Variants in SORCS3 observed in about 807,000 individuals in gnomAD.
The protein encoded by SORCS3 is VPS10 domain-containing receptor SorCS3.
A neutral mutation model predicts 146.3 loss-of-function variants in SORCS3; 57 were observed. That is an observed-to-expected ratio of 0.39 (90% CI 0.31 to 0.49). The LOEUF is 0.49. Ranked by LOEUF, SORCS3 falls within the 20% of genes least tolerant of loss-of-function variation. The pLI is 0.92. For synonymous variants in SORCS3, 653 were observed against 618.5 expected (o/e 1.06, Z -0.83); for missense variants, 1,341 against 1,575.5 (o/e 0.85, Z 2.52).
chr10:104,846,025 G>C (rs2018200180), intron 2 of SORCS3, among the ~76,000 whole-genome samples: 1 of 152,104 alleles, frequency 6.6e-6, no homozygotes, highest in Non-Finnish European at 1.5e-5. Flanking sequence ...GATTCCATAT[G>C]GTGTGACCTT....
chr10:104,807,192 T>C (rs1439272391), intron 1 of SORCS3, among the ~76,000 whole-genome samples: 2 of 151,642 alleles, frequency 1.3e-5, no homozygotes, highest in African/African-American at 4.9e-5. Context: ...TCTGTGTGTG[T>C]GTGCGCATGT....
intron 13 of SORCS3, among the ~76,000 whole-genome samples, chr10:105,168,739 A>G (rs144991583): frequency 2.0e-5 from 3 of 152,302 alleles, no homozygotes; most frequent in Admixed American, 6.5e-5. Flanking sequence ...GTGAAACCGT[A>G]TGAAATCGCC....
chr10:104,646,747 A>T (rs947958430), intron 1 of SORCS3, among the ~76,000 whole-genome samples: 1 of 152,014 alleles, frequency 6.6e-6, no homozygotes, highest in Non-Finnish European at 1.5e-5. Context: ...TTTGAAGGAG[A>T]AAAGAGGCCT....
chr10:104,761,253 G>T (rs569782979), intron 1 of SORCS3, among the ~76,000 whole-genome samples: 2 of 152,128 alleles, frequency 1.3e-5, no homozygotes, highest in African/African-American at 2.4e-5. Context: ...TACTACAGTG[G>T]CATTTTAATG....
At position 104,930,643 on chromosome 10, in the gene SORCS3, G is replaced by A. The variant is rs1418620026; in HGVS notation, c.795+14711G>A. Reference sequence around the variant, plus strand: ...TGCCTTAGTGTTCAATAATTCATAAGAGTAAGCATCAGTGCCAAGCACTGG... The same window carrying A: ...TGCCTTAGTGTTCAATAATTCATAAAAGTAAGCATCAGTGCCAAGCACTGG... On this transcript the variant is annotated intron_variant, in intron 3 of 26. Transcript: ENST00000369701. Among the ~76,000 whole-genome samples the A allele has an allele frequency of 2.0e-5, 3 of 152,210 alleles. No individual in the cohort carries two copies. In the South Asian group the frequency reaches 6.2e-4, roughly 32 times the overall value.
At chr10:104,689,927 G>A (rs1031725619) in intron 1 of SORCS3, among the ~76,000 whole-genome samples, 6 of 152,134 alleles carry the variant, frequency 3.9e-5, no homozygotes, top group South Asian at 2.1e-4. Flanking sequence ...TCCAGAGCAG[G>A]TACTTCCATT....
chr10:104,881,256 T>G lies in SORCS3; in HGVS notation c.696-34577T>G, dbSNP rs117469291. ...ACAAATATGGGTGAGTGCATATAGA[T>G]TGTAGTTTAATCTCCTGAAATATTT... On this transcript the variant is annotated intron_variant, in intron 2 of 26. Coordinates refer to ENST00000369701, the MANE Select transcript of SORCS3 (RefSeq NM_014978.3). Among the ~76,000 whole-genome samples the G allele has an allele frequency of 2.7e-4, 41 of 152,284 alleles. No individual in the cohort carries two copies. In the East Asian group the frequency reaches 7.9e-3, roughly 29 times the overall value.
chr10:105,089,004 T>C (rs868052421), intron 5 of SORCS3, among the ~76,000 whole-genome samples: 6 of 152,188 alleles, frequency 3.9e-5, no homozygotes, highest in African/African-American at 9.7e-5. Flanking sequence ...GTGTCAGCTC[T>C]TTTCAGTGGA....
At chr10:105,168,367 G>T (rs1470449895) in intron 13 of SORCS3, among the ~76,000 whole-genome samples, 1 of 152,134 alleles carries the variant, frequency 6.6e-6, no homozygotes, top group Admixed American at 6.6e-5. Context: ...ACGACAACTT[G>T]TTGCTGTTGT....
chr10:105,152,578 C>T (rs1386841949), intron 9 of SORCS3, among the ~76,000 whole-genome samples: 1 of 152,198 alleles, frequency 6.6e-6, no homozygotes, highest in Non-Finnish European at 1.5e-5. Context: ...AGAAGATTCA[C>T]ATACCCAAGT....
intron 7 of SORCS3, among the ~76,000 whole-genome samples, chr10:105,136,991 A>G (rs767183828): frequency 4.6e-5 from 7 of 152,106 alleles, no homozygotes; most frequent in Non-Finnish European, 8.8e-5. Flanking sequence ...ACATGGGAGG[A>G]TGAGTTCTCA....
At chr10:105,144,409 C>T (rs932215643) in intron 8 of SORCS3, among the ~76,000 whole-genome samples, 2 of 152,068 alleles carry the variant, frequency 1.3e-5, no homozygotes, top group African/African-American at 4.8e-5. Context: ...ATGGCAGATG[C>T]TTAATAACAT....
chr10:104,943,102 T>G (rs917184174), intron 3 of SORCS3, among the ~76,000 whole-genome samples: 16 of 152,188 alleles, frequency 1.1e-4, no homozygotes, highest in Non-Finnish European at 2.1e-4. Flanking sequence ...AAAGTATTAT[T>G]TTTAGACAAT....
At position 104,741,700 on chromosome 10, in the gene SORCS3, G is replaced by GTTTTTTTTTTT. The variant is rs71022746; in HGVS notation, c.627+99768_627+99778dup. On this transcript the variant is annotated intron_variant, in intron 1 of 26. Transcript: ENST00000369701. The stretch of plus-strand genomic sequence containing the variant: ...CTTTCCTCTTTCCTTTCCATTCTGG[G>GTTTTTTTTTTT]TTTTTTTTTTTTTTTTTTTTTTTTT... 1.2e-3 allele frequency among the ~76,000 whole-genome samples: 4 copies of GTTTTTTTTTTT among 3,266 alleles called. 1 individual carries two copies. Among genetic ancestry groups the GTTTTTTTTTTT allele is most frequent in the Non-Finnish European group, 1.1e-3 (2 of 1,784 alleles). The allele number at this position is 3,266 out of a possible 152,430, so 2.1% of individuals were successfully genotyped here. A position where few individuals can be genotyped will look rare whatever the true frequency, so the allele number is the denominator to read the frequency against.
intron 3 of SORCS3, among the ~76,000 whole-genome samples, chr10:104,970,283 A>AT (rs1185361724): frequency 1.3e-5 from 2 of 152,018 alleles, no homozygotes; most frequent in Non-Finnish European, 2.9e-5. Flanking sequence ...AGTAGCGGGG[A>AT]TTACAGGTGT....
At chr10:105,091,671 G>A (rs1385138116) in intron 6 of SORCS3, among the ~76,000 whole-genome samples, 2 of 151,970 alleles carry the variant, frequency 1.3e-5, no homozygotes, top group African/African-American at 4.8e-5. Flanking sequence ...TTTAACTGAA[G>A]AGCTATTGGG....
intron 1 of SORCS3, 65 bp downstream of exon 1, chr10:104,642,019 T>TGG: frequency 1.0e-5 from 1 of 96,394 alleles, no homozygotes; most frequent in Non-Finnish European, 2.0e-5. Context: ...GGGGGGTGGG[T>TGG]GGGAGCGAGG....
intron 2 of SORCS3, among the ~76,000 whole-genome samples, chr10:104,872,184 G>A (rs2018525476): frequency 6.6e-6 from 1 of 152,168 alleles, no homozygotes; most frequent in African/African-American, 2.4e-5. Flanking sequence ...CATGAGGGAT[G>A]CATGTAATCA....
chr10:104,915,752 G>A, intron 2 of SORCS3, 81 bp from the exon 3 acceptor site: 2 of 1,171,784 alleles, frequency 1.7e-6, no homozygotes, highest in South Asian at 1.2e-5. Context: ...GGTCGGTCGA[G>A]GGAGAACCTG....
Sources: gnomAD v4.1 joint callset for allele counts (sites outside exome capture counted in the v4.1 genomes callset) on GRCh38, gnomAD v4.1.1 for gene constraint, MANE v1.5 for transcripts, NCBI Gene and HGNC (gene_info 2026-07-23, HGNC 2026-07-21) for gene names.